Variants in MVP observed in about 807,000 individuals in gnomAD.
MVP encodes major vault protein, also known as lung resistance-related protein.
MVP carries 62 observed loss-of-function variants against 83.5 expected under a neutral mutation model. That is an observed-to-expected ratio of 0.74 (90% CI 0.61 to 0.92). The LOEUF (loss-of-function observed/expected upper bound fraction) is 0.92. Among genes scored for constraint, MVP ranks in the 40% least tolerant of loss-of-function variants. The pLI, the probability that MVP is intolerant of heterozygous loss-of-function variation, is 0.00. For synonymous variants in MVP, 505 were observed against 504.1 expected, an observed-to-expected ratio of 1.00 and a Z score of -0.02; for missense variants, 1,000 against 1,203.4, an observed-to-expected ratio of 0.83 and a Z score of 2.50.
intron 1 of MVP, chr16:29,829,731 A>T (rs2067427947): frequency 6.6e-6 from 1 of 152,236 alleles, no homozygotes; most frequent in African/African-American, 2.4e-5. Flanking sequence ...CCTTGCTCAC[A>T]ACTGCAGGAG....
At chr16:29,835,175 CAGA>C (rs2067475921) in intron 5 of MVP, 1 of 152,544 alleles carries the variant, frequency 6.6e-6, no homozygotes, top group Admixed American at 6.5e-5. Context: ...CCTGTTTTAG[CAGA>C]AGGACAAAAG....
chr16:29,846,502 C>A (rs1239871516), intron 13 of MVP, among the ~76,000 whole-genome samples: 1 of 152,246 alleles, frequency 6.6e-6, no homozygotes, highest in African/African-American at 2.4e-5. Context: ...CGCTCATGCA[C>A]TGGCCACCTT....
chr16:29,822,333 AAG>A (rs1234637988), intron 1 of MVP, among the ~76,000 whole-genome samples: 3 of 151,940 alleles, frequency 2.0e-5, no homozygotes, highest in Admixed American at 6.6e-5. Flanking sequence ...AAAAAAAAAA[AAG>A]TAATTTATGA....
chr16:29,840,596 A>AG, intron 8 of MVP, 137 bp downstream of exon 8: 1 of 1,025,472 alleles, frequency 9.8e-7, no homozygotes, highest in Non-Finnish European at 1.4e-6. Flanking sequence ...TGGTTGGGGG[A>AG]GGGCACTACG....
chr16:29,835,524 G>A (rs1232418658), intron 5 of MVP, 180 bp from the exon 6 acceptor site: 1 of 439,854 alleles, frequency 2.3e-6, no homozygotes, highest in African/African-American at 2.0e-5. Flanking sequence ...ATTCAACTGG[G>A]GTGGGGGTTT....
intron 10 of MVP, 135 bp downstream of exon 10, chr16:29,842,247 G>A (rs1320341767): frequency 1.0e-5 from 9 of 886,526 alleles, no homozygotes; most frequent in African/African-American, 1.7e-5. Context: ...CTCCAGCCTG[G>A]GTGACAGAGC....
At chr16:29,832,596 CTT>C (rs1177021376) in intron 3 of MVP, among the ~76,000 whole-genome samples, 4 of 122,798 alleles carry the variant, frequency 3.3e-5, no homozygotes, top group African/African-American at 9.0e-5. Flanking sequence ...CGCGCCTGGC[CTT>C]TTTTTTTTTT....
At chr16:29,832,399 G>C (rs1347524783) in intron 3 of MVP, among the ~76,000 whole-genome samples, 1 of 141,736 alleles carries the variant, frequency 7.1e-6, no homozygotes, top group Non-Finnish European at 1.5e-5. Flanking sequence ...CCAGGTTCAC[G>C]CAATTCTCCT....
chr16:29,842,114 TA>T lies in MVP; in HGVS notation c.1634+7del. The T allele has an allele frequency of 6.3e-7, 1 of 1,596,598 alleles. No homozygotes were observed. ...GCAACTGCAGCTGGCCTACAACTGG[TA>T]AAAATGGGGACAGGGCATGGGGGTG... On this transcript the variant is annotated splice_donor_region_variant and intron_variant, in intron 10 of 14. Coordinates refer to ENST00000357402, the MANE Select transcript of MVP (RefSeq NM_005115.5).
chr16:29,835,498 A>C (rs1567391255), intron 5 of MVP: 2 of 339,436 alleles, frequency 5.9e-6, no homozygotes, highest in Non-Finnish European at 5.4e-6. Flanking sequence ...AAAAAAAAAA[A>C]AAAAAAACTT....
chr16:29,832,560 G>A (rs1288791104), intron 3 of MVP, among the ~76,000 whole-genome samples: 3 of 147,020 alleles, frequency 2.0e-5, no homozygotes, highest in Admixed American at 6.8e-5. Flanking sequence ...GCCTCCCAAA[G>A]TGCTGGGATT....
At chr16:29,822,002 G>GAT (rs2067365427) in intron 1 of MVP, among the ~76,000 whole-genome samples, 1 of 152,178 alleles carries the variant, frequency 6.6e-6, no homozygotes, top group South Asian at 2.1e-4. Context: ...CGAATGGGAG[G>GAT]ATGGCTTGAG....
At position 29,846,285 on chromosome 16, in the gene MVP, G is replaced by A. The variant is rs1452110301; in HGVS notation, c.2265+1G>A. ...AGCACAGGCCTTGGCCATTGAAACG[G>A]TGAGTGGGGGGAGGCATTAAGAAGA... On this transcript the variant is annotated splice_donor_variant, in intron 13 of 14. Coordinates refer to ENST00000357402, the MANE Select transcript of MVP (RefSeq NM_005115.5). LOFTEE classifies it high-confidence loss of function. 5 of 1,558,104 alleles carry A rather than the reference G, an allele frequency of 3.2e-6. No individual in the cohort carries two copies. In the African/African-American group the frequency reaches 6.8e-5, roughly 21 times the overall value.
Position 29,834,084 on chromosome 16 carries a change from CGAT to C in MVP, c.577+23_577+25del. ...GGTGACAGGTGGGGTCACCAAGGGGCGATGATGGTGGGTGGGCAGGAGGGGTCC... is the reference window on the plus strand; with the variant it reads ...GGTGACAGGTGGGGTCACCAAGGGGCGATGGTGGGTGGGCAGGAGGGGTCC... On this transcript the variant is annotated intron_variant, in intron 5 of 14. Transcript: ENST00000357402. The C allele has an allele frequency of 6.2e-7, 1 of 1,610,828 alleles. No individual in the cohort carries two copies. The highest frequency in any genetic ancestry group is 1.1e-5 in the South Asian group (1 of 90,496).
intron 11 of MVP, 88 bp downstream of exon 11, chr16:29,844,967 C>A: frequency 1.4e-6 from 2 of 1,467,238 alleles, no homozygotes; most frequent in Non-Finnish European, 1.8e-6. Context: ...TTGTGGACTG[C>A]CTGCTGCCAT....
chr16:29,827,332 C>T (rs2067411146), intron 1 of MVP, among the ~76,000 whole-genome samples: 1 of 152,232 alleles, frequency 6.6e-6, no homozygotes, highest in African/African-American at 2.4e-5. Flanking sequence ...CAGACCCAAA[C>T]TGTAACCTCT....
chr16:29,845,855 T>C lies in MVP; in HGVS notation c.2022-8T>C. On this transcript the variant is annotated splice_polypyrimidine_tract_variant and splice_region_variant and intron_variant, in intron 11 of 14. Transcript: ENST00000357402. ...GCCAGCCTCTCACCTGCGCTCCGTC[T>C]CCTCCAGGCATGAGGCTCAGAGACT... 6.2e-7 allele frequency: 1 copy of C among 1,613,202 alleles called. No homozygotes were observed.
At chr16:29,831,148 C>A in intron 3 of MVP, 75 bp downstream of exon 3, 1 of 1,352,714 alleles carries the variant, frequency 7.4e-7, no homozygotes, top group South Asian at 1.4e-5. Flanking sequence ...CTGCTGCCTT[C>A]TTCTTCTTTT....
chr16:29,820,870 C>G (rs1012385079), intron 1 of MVP: 1 of 152,328 alleles, frequency 6.6e-6, no homozygotes, highest in Non-Finnish European at 1.5e-5. Context: ...GGTGCTTGCT[C>G]TACTCACCTG....
Sources: gnomAD v4.1 joint callset for allele counts (sites outside exome capture counted in the v4.1 genomes callset) on GRCh38, gnomAD v4.1.1 for gene constraint, MANE v1.5 for transcripts, NCBI Gene and HGNC (gene_info 2026-07-23, HGNC 2026-07-21) for gene names.